The following MEOX2 variants were observed in gnomAD, a reference collection of about 807,000 sequenced individuals.
MEOX2 encodes the protein homeobox protein MOX-2.
MEOX2 carries 11 observed loss-of-function variants against 27.0 expected under a neutral mutation model. The observed-to-expected ratio is 0.41, with a 90% CI of 0.26 to 0.68. MEOX2 has a LOEUF of 0.68. MEOX2 is among the 30% of genes least tolerant of loss of function. The pLI is 0.33. For synonymous variants in MEOX2, 189 were observed against 155.4 expected, an observed-to-expected ratio of 1.22 and a Z score of -1.61; for missense variants, 436 against 385.4, an observed-to-expected ratio of 1.13 and a Z score of -1.10.
chr7:15,627,581 G>T (rs1364115572), intron 1 of MEOX2, among the ~76,000 whole-genome samples: 1 of 151,830 alleles, frequency 6.6e-6, no homozygotes, highest in Non-Finnish European at 1.5e-5. Context: ...TTATATATAA[G>T]ATAAACATAA....
chr7:15,653,234 T>C (rs1243485204), intron 1 of MEOX2, among the ~76,000 whole-genome samples: 2 of 152,026 alleles, frequency 1.3e-5, no homozygotes, highest in African/African-American at 4.8e-5. Flanking sequence ...AAATAGCAGA[T>C]AATAATGTTT....
rs570629799 is a variant in MEOX2, at chr7:15,611,485, A to C, written c.*902T>G. On this transcript the variant is annotated 3_prime_UTR_variant, in exon 3 of 3. Coordinates refer to ENST00000262041, the MANE Select transcript of MEOX2 (RefSeq NM_005924.5). Reference sequence around the variant, plus strand: ...GAAATAAAATAAGACAATGTCTGTCATACAAAGCTCTTTCTGCAAGGTAAC... The same window carrying C: ...GAAATAAAATAAGACAATGTCTGTCCTACAAAGCTCTTTCTGCAAGGTAAC... 137 of 152,794 alleles carry C rather than the reference A, an allele frequency of 9.0e-4. 1 individual carries two copies. The highest frequency in any genetic ancestry group is 3.1e-3 in the African/African-American group (131 of 41,596). The allele number at this position is 152,794 out of a possible 1,614,324, so 9.5% of individuals were successfully genotyped here. A position where few individuals can be genotyped will look rare whatever the true frequency, so the allele number is the denominator to read the frequency against.
chr7:15,674,937 T>C (rs929051841), intron 1 of MEOX2, among the ~76,000 whole-genome samples: 1 of 152,176 alleles, frequency 6.6e-6, no homozygotes, highest in African/African-American at 2.4e-5. Context: ...TCAATGGTTT[T>C]CTAAAACTGG....
intron 1 of MEOX2, among the ~76,000 whole-genome samples, chr7:15,674,136 G>A (rs1001188007): frequency 2.0e-5 from 3 of 151,992 alleles, no homozygotes; most frequent in Non-Finnish European, 2.9e-5. Flanking sequence ...GACATTAGCC[G>A]GTCCCTGTGT....
At chr7:15,618,131 A>T (rs1486841590) in intron 2 of MEOX2, among the ~76,000 whole-genome samples, 2 of 152,034 alleles carry the variant, frequency 1.3e-5, no homozygotes, top group Non-Finnish European at 2.9e-5. Context: ...CTTGGCCTTT[A>T]GTAAACCATT....
chr7:15,629,773 A>G (rs1413260963), intron 1 of MEOX2, among the ~76,000 whole-genome samples: 1 of 151,174 alleles, frequency 6.6e-6, no homozygotes, highest in East Asian at 1.9e-4. Flanking sequence ...AAATATTTTT[A>G]CCTCTTTCTT....
At chr7:15,632,145 T>A (rs995448755) in intron 1 of MEOX2, among the ~76,000 whole-genome samples, 1 of 151,814 alleles carries the variant, frequency 6.6e-6, no homozygotes, top group African/African-American at 2.4e-5. Context: ...TGGCATTGCA[T>A]TGCATTGCTG....
At chr7:15,622,558 C>T (rs984676060) in intron 2 of MEOX2, among the ~76,000 whole-genome samples, 1 of 151,618 alleles carries the variant, frequency 6.6e-6, no homozygotes, top group Non-Finnish European at 1.5e-5. Context: ...GTTATTTTAA[C>T]ATATGAAAAA....
intron 1 of MEOX2, among the ~76,000 whole-genome samples, chr7:15,654,225 A>C (rs998178717): frequency 6.6e-6 from 1 of 151,920 alleles, no homozygotes; most frequent in Non-Finnish European, 1.5e-5. Flanking sequence ...AACAGAAATA[A>C]AATTATGTAA....
chr7:15,627,827 G>GCACACACACACACACACACA (rs1562597864), intron 1 of MEOX2, among the ~76,000 whole-genome samples: 10 of 144,166 alleles, frequency 6.9e-5, no homozygotes, highest in African/African-American at 2.6e-4. Context: ...ACACACACAC[G>GCACACACACACACACACACA]TCAAGTAAAA....
intron 1 of MEOX2, among the ~76,000 whole-genome samples, chr7:15,646,454 C>T (rs1020469164): frequency 1.3e-5 from 2 of 151,976 alleles, no homozygotes; most frequent in South Asian, 2.1e-4. Context: ...GAGGGAGATC[C>T]TCTTTGTAAC....
intron 2 of MEOX2, among the ~76,000 whole-genome samples, chr7:15,625,718 T>C (rs1032119833): frequency 6.6e-6 from 1 of 152,180 alleles, no homozygotes; most frequent in Non-Finnish European, 1.5e-5. Context: ...CTTTCAGGAA[T>C]GTTTTTGTAA....
chr7:15,651,318 G>A (rs1164152226), intron 1 of MEOX2, among the ~76,000 whole-genome samples: 3 of 151,732 alleles, frequency 2.0e-5, no homozygotes, highest in Non-Finnish European at 2.9e-5. Context: ...CAGTATTGTC[G>A]CATTGTAGGT....
intron 1 of MEOX2, among the ~76,000 whole-genome samples, chr7:15,668,904 G>T (rs994573645): frequency 6.6e-6 from 1 of 152,138 alleles, no homozygotes; most frequent in Non-Finnish European, 1.5e-5. Flanking sequence ...AATTTAATTA[G>T]TGTCTCTAAT....
intron 1 of MEOX2, among the ~76,000 whole-genome samples, chr7:15,678,559 C>A (rs979281178): frequency 1.3e-5 from 2 of 152,158 alleles, no homozygotes; most frequent in Non-Finnish European, 2.9e-5. Flanking sequence ...TAAGAATACA[C>A]CTCAGTTTAG....
intron 1 of MEOX2, 58 bp from the exon 2 acceptor site, chr7:15,626,976 A>C (rs563767319): frequency 1.3e-6 from 2 of 1,516,966 alleles, no homozygotes; most frequent in East Asian, 4.5e-5. Flanking sequence ...ACATGCAATC[A>C]TATTATTCAC....
intron 1 of MEOX2, among the ~76,000 whole-genome samples, chr7:15,678,058 C>T (rs1782230444): frequency 6.6e-6 from 1 of 152,134 alleles, no homozygotes; most frequent in Non-Finnish European, 1.5e-5. Flanking sequence ...ACATGGGTGG[C>T]AGCAAGCCTC....
intron 1 of MEOX2, among the ~76,000 whole-genome samples, chr7:15,667,287 C>A (rs1782022944): frequency 2.7e-4 from 2 of 7,528 alleles, no homozygotes; most frequent in Admixed American, 2.1e-3. Flanking sequence ...GAGACTCTGT[C>A]TCAAAAAAAA....
intron 1 of MEOX2, among the ~76,000 whole-genome samples, chr7:15,670,830 C>T (rs958377196): frequency 6.6e-5 from 10 of 152,146 alleles, no homozygotes; most frequent in East Asian, 3.8e-4. Flanking sequence ...ATTTAGACTA[C>T]GGGGTCCTTG....
Sources: allele counts gnomAD v4.1 joint callset (sites outside exome capture counted in the v4.1 genomes callset), GRCh38; gene constraint gnomAD v4.1.1; transcripts MANE v1.5; gene names NCBI Gene and HGNC (gene_info 2026-07-23, HGNC 2026-07-21).